The following FGGY variants were observed in gnomAD, a reference collection of about 807,000 sequenced individuals.
FGGY encodes the protein FGGY carbohydrate kinase domain-containing protein.
In FGGY, 72 loss-of-function variants were observed where a neutral mutation model predicts 71.3. That is an observed-to-expected ratio of 1.01 (90% CI 0.84 to 1.23). The LOEUF is 1.23. FGGY is among the 50% of genes most tolerant of loss of function. FGGY has a pLI of 0.00. For missense variants in FGGY, 668 were observed against 682.3 expected, an observed-to-expected ratio of 0.98 and a Z score of 0.23; for synonymous variants, 251 against 250.3, an observed-to-expected ratio of 1.00 and a Z score of -0.02.
chr1:59,316,122 C>G (rs2045412025), intron 1 of FGGY: 1 of 152,152 alleles, frequency 6.6e-6, no homozygotes, highest in African/African-American at 2.4e-5. Flanking sequence ...ACTCATTGTT[C>G]ATCTTTTTTC....
rs116540304 is a variant in FGGY, at chr1:59,495,794, G to C, written c.671-16517G>C. 3.2e-3 allele frequency among the ~76,000 whole-genome samples: 492 copies of C among 152,168 alleles called. 4 individuals are homozygous for C. The highest frequency in any genetic ancestry group is 0.011 in the African/African-American group (472 of 41,532). On this transcript the variant is annotated intron_variant, in intron 6 of 15. Coordinates refer to ENST00000303721, the MANE Select transcript of FGGY (RefSeq NM_018291.5). Reference sequence around the variant, plus strand: ...CTTTGTTGAAGATCAGATTGTTGTAGGTGTGTGGCTTTATTTCTGTGCTCT... The same window carrying C: ...CTTTGTTGAAGATCAGATTGTTGTACGTGTGTGGCTTTATTTCTGTGCTCT...
intron 11 of FGGY, among the ~76,000 whole-genome samples, chr1:59,650,018 T>A (rs1209595412): frequency 6.7e-6 from 1 of 148,504 alleles, no homozygotes; most frequent in African/African-American, 2.6e-5. Flanking sequence ...TCATGTGGTT[T>A]TTGTCTTTGG....
intron 5 of FGGY, among the ~76,000 whole-genome samples, chr1:59,425,231 A>T (rs1202818932): frequency 6.6e-6 from 1 of 152,200 alleles, no homozygotes; most frequent in Non-Finnish European, 1.5e-5. Context: ...GGAAACATGG[A>T]TTATTTGGAT....
intron 6 of FGGY, among the ~76,000 whole-genome samples, chr1:59,499,398 C>G (rs2094153902): frequency 6.9e-6 from 1 of 144,486 alleles, no homozygotes; most frequent in African/African-American, 2.7e-5. Context: ...AGGGATGATT[C>G]ACATCCCAGG....
intron 14 of FGGY, chr1:59,754,698 A>T (rs935073149): frequency 3.9e-5 from 6 of 152,230 alleles, no homozygotes; most frequent in African/African-American, 1.4e-4. Context: ...GATTAAAAGC[A>T]TGAACCACTG....
chr1:59,648,587 G>C (rs1366402975), intron 11 of FGGY, among the ~76,000 whole-genome samples: 6 of 147,958 alleles, frequency 4.1e-5, no homozygotes, highest in African/African-American at 1.6e-4. Context: ...CCCACTTTTT[G>C]ATGGGGTTGT....
chr1:59,738,987 C>G (rs1192437946), intron 14 of FGGY, among the ~76,000 whole-genome samples: 1 of 152,164 alleles, frequency 6.6e-6, no homozygotes, highest in Non-Finnish European at 1.5e-5. Flanking sequence ...ACCACTGGAC[C>G]TAAGTAAGAA....
At position 59,607,829 on chromosome 1, in the gene FGGY, A is replaced by G. The variant is rs1035508668; in HGVS notation, c.930A>G (p.Pro310=). The change falls in exon 9 of 16, where the codon CCA becomes CCG. Residue 310 remains proline (P), a synonymous_variant. Transcript: ENST00000303721. ...MGISKDPIFV[P]GVWGPYFSAM... is the part of the protein sequence containing the mutation. ...TCAGCAAAGACCCGATTTTTGTACC[A>G]GGCGTCTGGGGGCCTTATTTCTCAG... 4.3e-6 allele frequency: 7 copies of G among 1,613,772 alleles called. No individual in the cohort carries two copies. Among genetic ancestry groups the G allele is most frequent in the Admixed American group, 1.7e-5 (1 of 59,968 alleles).
At chr1:59,487,381 G>A (rs2093688058) in intron 6 of FGGY, among the ~76,000 whole-genome samples, 1 of 152,028 alleles carries the variant, frequency 6.6e-6, no homozygotes, top group Non-Finnish European at 1.5e-5. Context: ...ATTTTTCATG[G>A]ATTGTAATTA....
intron 1 of FGGY, among the ~76,000 whole-genome samples, chr1:59,299,416 AAATT>A (rs2153073704): frequency 6.6e-6 from 1 of 152,328 alleles, no homozygotes; most frequent in Admixed American, 6.5e-5. Flanking sequence ...ATGTTATAGA[AAATT>A]AATTCTGGCT....
chr1:59,614,616 G>C (rs1008384727), intron 9 of FGGY, among the ~76,000 whole-genome samples: 48 of 152,132 alleles, frequency 3.2e-4, no homozygotes, highest in African/African-American at 9.9e-4. Context: ...TCTCACCACT[G>C]CTATTCAACA....
intron 4 of FGGY, among the ~76,000 whole-genome samples, chr1:59,357,592 G>T (rs543760936): frequency 5.1e-4 from 77 of 152,150 alleles, no homozygotes; most frequent in African/African-American, 1.8e-3. Flanking sequence ...TTAAATTCTG[G>T]TATATGTGTG....
At chr1:59,325,128 C>T (rs1036419045) in intron 2 of FGGY, among the ~76,000 whole-genome samples, 23 of 151,926 alleles carry the variant, frequency 1.5e-4, no homozygotes, top group Admixed American at 5.2e-4. Flanking sequence ...CCAAGGCGGG[C>T]GGATCACGAG....
rs549507626 is a variant in FGGY at position 59,603,679 on chromosome 1, G to A, written c.904-4124G>A. Reference sequence around the variant, plus strand: ...TAGAATCACGATGGGCCTTTGTCCCGACCCATAGTTTCTCTTCTGTTGTTC... The same window carrying A: ...TAGAATCACGATGGGCCTTTGTCCCAACCCATAGTTTCTCTTCTGTTGTTC... On this transcript the variant is annotated intron_variant, in intron 8 of 15. Coordinates refer to ENST00000303721, the MANE Select transcript of FGGY (RefSeq NM_018291.5). 5.1e-4 allele frequency among the ~76,000 whole-genome samples: 78 copies of A among 152,238 alleles called. 1 individual carries two copies. The highest frequency in any genetic ancestry group is 1.8e-3 in the African/African-American group (75 of 41,530).
chr1:59,590,607 A>G (rs1395821716), intron 8 of FGGY, among the ~76,000 whole-genome samples: 1 of 152,228 alleles, frequency 6.6e-6, no homozygotes, highest in Non-Finnish European at 1.5e-5. Flanking sequence ...AGTGGGCTTC[A>G]TCCCTGGGAT....
chr1:59,631,691 C>T (rs1334965771), intron 10 of FGGY, among the ~76,000 whole-genome samples: 1 of 152,158 alleles, frequency 6.6e-6, no homozygotes, highest in Non-Finnish European at 1.5e-5. Flanking sequence ...ACTGTGGAAA[C>T]AAGTGTTGAT....
intron 7 of FGGY, among the ~76,000 whole-genome samples, chr1:59,537,982 C>G (rs1353087645): frequency 6.6e-6 from 1 of 152,026 alleles, no homozygotes; most frequent in Non-Finnish European, 1.5e-5. Context: ...GCAACAAAAG[C>G]CAAAATTGAC....
chr1:59,315,293 C>T (rs1044061870), intron 1 of FGGY, among the ~76,000 whole-genome samples: 6 of 151,858 alleles, frequency 4.0e-5, no homozygotes, highest in Non-Finnish European at 8.8e-5. Flanking sequence ...CTTCTCCCCT[C>T]CTCCCATCAA....
At chr1:59,412,726 A>G (rs2063782063) in intron 5 of FGGY, among the ~76,000 whole-genome samples, 1 of 152,162 alleles carries the variant, frequency 6.6e-6, no homozygotes, top group Non-Finnish European at 1.5e-5. Context: ...TCTTGATCTT[A>G]TAGAAGTTAT....
Sources: gnomAD v4.1 joint callset for allele counts (sites outside exome capture counted in the v4.1 genomes callset) on GRCh38, gnomAD v4.1.1 for gene constraint, MANE v1.5 for transcripts, NCBI Gene and HGNC (gene_info 2026-07-23, HGNC 2026-07-21) for gene names.